Variants in GAP43 observed in about 807,000 individuals in gnomAD.
The protein encoded by GAP43 is growth associated protein 43.
GAP43 carries 6 observed loss-of-function variants against 18.6 expected under a neutral mutation model. That is an observed-to-expected ratio of 0.32 (90% CI 0.18 to 0.64). The LOEUF is 0.64. GAP43 is among the 30% of genes least tolerant of loss of function. The pLI is 0.78. For synonymous variants in GAP43, 115 were observed against 111.4 expected, an observed-to-expected ratio of 1.03 and a Z score of -0.20; for missense variants, 292 against 295.5, an observed-to-expected ratio of 0.99 and a Z score of 0.09.
At chr3:115,654,193 T>A (rs902951963) in intron 1 of GAP43, among the ~76,000 whole-genome samples, 1 of 152,226 alleles carries the variant, frequency 6.6e-6, no homozygotes, top group Admixed American at 6.5e-5. Context: ...ACAATATATA[T>A]AAAACAGAAT....
intron 2 of GAP43, among the ~76,000 whole-genome samples, chr3:115,679,670 A>G (rs889647368): frequency 2.0e-5 from 3 of 152,148 alleles, no homozygotes; most frequent in African/African-American, 7.2e-5. Flanking sequence ...GCTCTCAATG[A>G]AGGAATTCTC....
At chr3:115,643,661 A>C (rs867557814) in intron 1 of GAP43, among the ~76,000 whole-genome samples, 2 of 151,908 alleles carry the variant, frequency 1.3e-5, no homozygotes, top group East Asian at 1.9e-4. Flanking sequence ...CTTATCAAGG[A>C]GTTCTCTCAT....
At chr3:115,689,251 C>T (rs887009404) in intron 2 of GAP43, among the ~76,000 whole-genome samples, 1 of 151,798 alleles carries the variant, frequency 6.6e-6, no homozygotes, top group Non-Finnish European at 1.5e-5. Flanking sequence ...TTCTTAGTGC[C>T]TAAAACGACT....
At chr3:115,634,095 T>A (rs977719959) in intron 1 of GAP43, among the ~76,000 whole-genome samples, 19 of 152,322 alleles carry the variant, frequency 1.2e-4, no homozygotes, top group South Asian at 8.3e-4. Context: ...AAAATGTTAT[T>A]TTAAAATGAA....
chr3:115,659,604 TTAAAA>T (rs1191791808), intron 1 of GAP43, among the ~76,000 whole-genome samples: 6 of 149,900 alleles, frequency 4.0e-5, no homozygotes, highest in African/African-American at 7.3e-5. Context: ...GAGCGAAAAA[TTAAAA>T]TAAAATATTA....
chr3:115,664,302 A>G lies in GAP43; in HGVS notation c.31-11711A>G, dbSNP rs914172477. 8.6e-5 allele frequency among the ~76,000 whole-genome samples: 13 copies of G among 151,722 alleles called. 1 individual carries two copies. Among genetic ancestry groups the G allele is most frequent in the African/African-American group, 1.9e-4 (8 of 41,386 alleles). On this transcript the variant is annotated intron_variant, in intron 1 of 2. Coordinates refer to ENST00000305124, the MANE Select transcript of GAP43 (RefSeq NM_002045.4). ...GCATTTATTATTTTTTTAAGTGTGC[A>G]TATCCCTGAAACATCCCTCTGTGGA...
chr3:115,717,771 A>C (rs1019286105), intron 2 of GAP43, among the ~76,000 whole-genome samples: 4 of 152,290 alleles, frequency 2.6e-5, no homozygotes, highest in African/African-American at 9.6e-5. Flanking sequence ...TTTACATTTA[A>C]AATACTTTGA....
At chr3:115,631,169 A>G (rs1489554028) in intron 1 of GAP43, among the ~76,000 whole-genome samples, 1 of 152,202 alleles carries the variant, frequency 6.6e-6, no homozygotes, top group Non-Finnish European at 1.5e-5. Flanking sequence ...GTGATCTTCC[A>G]GATTTCCTAT....
chr3:115,709,848 T>C lies in GAP43; in HGVS notation c.629-10946T>C, dbSNP rs1004284627. Among the ~76,000 whole-genome samples, 88 of 148,292 alleles carry C rather than the reference T, an allele frequency of 5.9e-4. 1 individual carries two copies. Among genetic ancestry groups the C allele is most frequent in the African/African-American group, 2.1e-3 (87 of 40,908 alleles). On this transcript the variant is annotated intron_variant, in intron 2 of 2. Coordinates refer to ENST00000305124, the MANE Select transcript of GAP43 (RefSeq NM_002045.4). ...TTGCAAGTATACATGAACATACATA[T>C]ATATATATATATATATACACACACA...
intron 1 of GAP43, among the ~76,000 whole-genome samples, chr3:115,630,790 G>A (rs1180222585): frequency 6.6e-6 from 1 of 152,160 alleles, no homozygotes. Context: ...TCATGTTAGT[G>A]TTTAGTGGGT....
chr3:115,706,452 T>A (rs1165280503), intron 2 of GAP43, among the ~76,000 whole-genome samples: 1 of 152,182 alleles, frequency 6.6e-6, no homozygotes, highest in Non-Finnish European at 1.5e-5. Context: ...AACATAGTTT[T>A]TCTACAAATG....
intron 1 of GAP43, among the ~76,000 whole-genome samples, chr3:115,630,234 C>T (rs1183407618): frequency 2.0e-5 from 3 of 152,128 alleles, no homozygotes; most frequent in African/African-American, 7.2e-5. Flanking sequence ...TCTTTAAATG[C>T]ATGTAGTGCT....
chr3:115,640,326 G>T (rs990169465), intron 1 of GAP43, among the ~76,000 whole-genome samples: 1 of 152,016 alleles, frequency 6.6e-6, no homozygotes. Flanking sequence ...AAGCAGGTAA[G>T]ACAGGCAAGT....
intron 1 of GAP43, among the ~76,000 whole-genome samples, chr3:115,647,943 C>T (rs558906381): frequency 6.6e-6 from 1 of 152,078 alleles, no homozygotes; most frequent in South Asian, 2.1e-4. Context: ...AAAATAAAAC[C>T]ATGGACTAGA....
At chr3:115,705,817 G>A (rs1041476073) in intron 2 of GAP43, among the ~76,000 whole-genome samples, 1 of 152,076 alleles carries the variant, frequency 6.6e-6, no homozygotes, top group Non-Finnish European at 1.5e-5. Context: ...TCAAATACAC[G>A]AGGTATAATT....
At chr3:115,624,725 G>C (rs184979813) in intron 1 of GAP43, among the ~76,000 whole-genome samples, 123 of 152,238 alleles carry the variant, frequency 8.1e-4, no homozygotes, top group African/African-American at 2.8e-3. Context: ...ATTGGGGTGA[G>C]AGTGGGAAGG....
intron 2 of GAP43, among the ~76,000 whole-genome samples, chr3:115,710,377 A>C (rs908761348): frequency 6.6e-6 from 1 of 152,210 alleles, no homozygotes; most frequent in Non-Finnish European, 1.5e-5. Context: ...GAGATAATTT[A>C]GATATTTTAA....
At chr3:115,649,143 T>C (rs4544611) in intron 1 of GAP43, among the ~76,000 whole-genome samples, 96,048 of 151,948 alleles carry the variant, frequency 0.63, 32,166 homozygotes, top group Admixed American at 0.73. Flanking sequence ...CAGTTCTGTA[T>C]GCTGATCCAG....
chr3:115,647,119 C>T (rs1189495654), intron 1 of GAP43, among the ~76,000 whole-genome samples: 1 of 151,964 alleles, frequency 6.6e-6, no homozygotes, highest in Non-Finnish European at 1.5e-5. Flanking sequence ...GTGATTAGGT[C>T]ATGAGAGTGA....
Sources: gnomAD v4.1 joint callset for allele counts (sites outside exome capture counted in the v4.1 genomes callset) on GRCh38, gnomAD v4.1.1 for gene constraint, MANE v1.5 for transcripts, NCBI Gene and HGNC (gene_info 2026-07-23, HGNC 2026-07-21) for gene names.